The following PAPSS1 variants were observed in gnomAD, a reference collection of about 807,000 sequenced individuals.
The protein encoded by PAPSS1 is 3'-phosphoadenosine 5'-phosphosulfate synthase 1, also known as bifunctional 3'-phosphoadenosine 5'-phosphosulfate synthase 1.
A neutral mutation model predicts 72.0 loss-of-function variants in PAPSS1; 50 were observed. The observed-to-expected ratio is 0.69, with a 90% CI of 0.55 to 0.88. The LOEUF (loss-of-function observed/expected upper bound fraction) is 0.88. Ranked by LOEUF, PAPSS1 falls within the 40% of genes least tolerant of loss-of-function variation. The probability of loss-of-function intolerance (pLI) is 0.00; values close to 1 mark genes in which losing one functional copy is unlikely to be tolerated. For synonymous variants in PAPSS1, 261 were observed against 263.6 expected (o/e 0.99, Z 0.09); for missense variants, 657 against 782.2 (o/e 0.84, Z 1.91).
intron 5 of PAPSS1, among the ~76,000 whole-genome samples, chr4:107,679,011 A>G (rs1237253984): frequency 6.6e-6 from 1 of 152,162 alleles, no homozygotes; most frequent in Non-Finnish European, 1.5e-5. Flanking sequence ...CAAAACAGAT[A>G]TAAAACATGC....
At chr4:107,687,018 T>C in intron 4 of PAPSS1, 21 bp downstream of exon 4, 5 of 1,591,098 alleles carry the variant, frequency 3.1e-6, no homozygotes, top group Non-Finnish European at 3.4e-6. Flanking sequence ...AAAGTGAAAC[T>C]GGGAAGAAAA....
At chr4:107,617,067 G>A (rs190693989) in intron 11 of PAPSS1, among the ~76,000 whole-genome samples, 1 of 152,054 alleles carries the variant, frequency 6.6e-6, no homozygotes, top group East Asian at 1.9e-4. Context: ...TCACTAGGGT[G>A]GGCTCTAGAA....
At chr4:107,702,966 A>T (rs775638420) in intron 1 of PAPSS1, among the ~76,000 whole-genome samples, 7 of 152,146 alleles carry the variant, frequency 4.6e-5, no homozygotes, top group Non-Finnish European at 1.0e-4. Flanking sequence ...TAATATTCCC[A>T]CAATAGCACA....
intron 2 of PAPSS1, among the ~76,000 whole-genome samples, chr4:107,700,952 T>G (rs892898331): frequency 2.0e-5 from 3 of 152,106 alleles, no homozygotes; most frequent in Admixed American, 1.3e-4. Context: ...AAAAGTAGTT[T>G]TAAGGTTCAT....
At position 107,653,591 on chromosome 4, in the gene PAPSS1, T is replaced by G. The variant is rs1484549243; in HGVS notation, c.1137A>C (p.Gly379=). Residue 379 remains glycine (G), a synonymous_variant, in exon 9 of 12, where the codon GGA becomes GGC. Coordinates refer to ENST00000265174, the MANE Select transcript of PAPSS1 (RefSeq NM_005443.5). ...AAACTCGATCCAAGACTTGAAGATC[T>G]CCTCCAATCAGCCAATCTCCTTGTT... ...VMEQGDWLIG[G]DLQVLDRVYW... is the part of the protein sequence containing the mutation. 3 of 1,613,410 alleles carry G rather than the reference T, an allele frequency of 1.9e-6. No individual in the cohort carries two copies. The highest frequency in any genetic ancestry group is 1.3e-5 in the African/African-American group (1 of 74,896).
chr4:107,717,688 C>T (rs1375734985), intron 1 of PAPSS1, among the ~76,000 whole-genome samples: 2 of 152,188 alleles, frequency 1.3e-5, no homozygotes, highest in African/African-American at 4.8e-5. Context: ...GTTCCTGGCA[C>T]ACACTAAACT....
At chr4:107,615,671 C>T (rs979692370) in intron 11 of PAPSS1, among the ~76,000 whole-genome samples, 15 of 152,090 alleles carry the variant, frequency 9.9e-5, no homozygotes, top group South Asian at 2.1e-4. Flanking sequence ...CATTAAAGTA[C>T]GGATGGGATA....
chr4:107,690,605 C>G (rs1359144717), intron 3 of PAPSS1, among the ~76,000 whole-genome samples: 2 of 152,170 alleles, frequency 1.3e-5, no homozygotes, highest in African/African-American at 4.8e-5. Context: ...ATGCTCAGTT[C>G]AGTGGTTGAC....
intron 5 of PAPSS1, among the ~76,000 whole-genome samples, chr4:107,660,946 CAA>C (rs892892432): frequency 6.6e-6 from 1 of 151,962 alleles, no homozygotes; most frequent in Admixed American, 6.6e-5. Flanking sequence ...AAAATACACT[CAA>C]AAGTTATATC....
chr4:107,635,085 A>C (rs910021059), intron 10 of PAPSS1, among the ~76,000 whole-genome samples: 1 of 152,188 alleles, frequency 6.6e-6, no homozygotes, highest in Admixed American at 6.5e-5. Flanking sequence ...GGCGTGAGCC[A>C]CCGCGCTTGG....
chr4:107,719,861 G>A (rs916822988), intron 1 of PAPSS1: 3 of 1,345,712 alleles, frequency 2.2e-6, no homozygotes, highest in South Asian at 3.5e-5. Flanking sequence ...AGGCGCTGGG[G>A]AGGGGGGGCG....
intron 6 of PAPSS1, among the ~76,000 whole-genome samples, chr4:107,658,935 C>T (rs1380739253): frequency 6.6e-6 from 1 of 152,152 alleles, no homozygotes; most frequent in Non-Finnish European, 1.5e-5. Context: ...ATTTGAAAAC[C>T]AATGAATTGA....
intron 1 of PAPSS1, among the ~76,000 whole-genome samples, chr4:107,708,956 A>G (rs889043944): frequency 6.6e-6 from 1 of 152,194 alleles, no homozygotes; most frequent in African/African-American, 2.4e-5. Context: ...AACCATGTTC[A>G]AATAAGTCAA....
At position 107,644,843 on chromosome 4, in the gene PAPSS1, C is replaced by T; in HGVS notation, c.1465G>A (p.Ala489Thr). ...GVLNPETTVV[A>T]IFPSPMMYAG... ...TACATCATGGGAGATGGGAAGATGG[C>T]CACCACTGTCGTCTCAGGATTCAGA... is the stretch of plus-strand genomic sequence containing the variant. Residue 489 changes from alanine (A) to threonine (T), a missense_variant, in exon 10 of 12, where the codon GCC (alanine) becomes ACC (threonine). Physicochemically the swap from Ala to Thr is moderately conservative, Grantham distance 58. Transcript: ENST00000265174. 1.2e-6 allele frequency: 2 copies of T among 1,613,502 alleles called. No homozygotes were observed. The highest frequency in any genetic ancestry group is 1.1e-5 in the South Asian group (1 of 91,044).
chr4:107,635,757 A>G (rs531194314), intron 10 of PAPSS1, among the ~76,000 whole-genome samples: 97 of 152,370 alleles, frequency 6.4e-4, no homozygotes, highest in Non-Finnish European at 1.3e-3. Context: ...TTACAGAAAG[A>G]ATAATCTACA....
At chr4:107,695,761 T>C (rs1560588376) in intron 2 of PAPSS1, among the ~76,000 whole-genome samples, 1 of 152,238 alleles carries the variant, frequency 6.6e-6, no homozygotes, top group Non-Finnish European at 1.5e-5. Flanking sequence ...GTTTTTGTTA[T>C]TGGTTCTGTT....
rs61543779 is a variant in PAPSS1, at chr4:107,684,912, T to A, written c.550+2127A>T. Among the ~76,000 whole-genome samples, 505 of 146,268 alleles carry A rather than the reference T, an allele frequency of 3.5e-3. 1 individual carries two copies. The highest frequency in any genetic ancestry group is 0.011 in the African/African-American group (450 of 40,266). On this transcript the variant is annotated intron_variant, in intron 4 of 11. Transcript: ENST00000265174. ...GGTTCAGAGTAAATCTCTTCAAAAA[T>A]TTTTTTTTTTTTAGATGGAGTCTCG...
intron 3 of PAPSS1, among the ~76,000 whole-genome samples, chr4:107,688,371 G>GCTCAAGTAGT (rs1274611209): frequency 1.3e-5 from 2 of 152,184 alleles, no homozygotes; most frequent in African/African-American, 4.8e-5. Context: ...CTTGAGCCCA[G>GCTCAAGTAGT]GGGTTCCAGG....
At chr4:107,634,244 G>A (rs933263843) in intron 10 of PAPSS1, among the ~76,000 whole-genome samples, 3 of 151,944 alleles carry the variant, frequency 2.0e-5, no homozygotes, top group African/African-American at 4.8e-5. Context: ...TTGAACTCCC[G>A]TGCTGAAATG....
Sources: gnomAD v4.1 joint callset for allele counts (sites outside exome capture counted in the v4.1 genomes callset) on GRCh38, gnomAD v4.1.1 for gene constraint, MANE v1.5 for transcripts, NCBI Gene and HGNC (gene_info 2026-07-23, HGNC 2026-07-21) for gene names.